Variants in PHF24 observed in about 807,000 individuals in gnomAD.
The protein encoded by PHF24 is PHD finger protein 24.
Under a neutral mutation model 42.6 loss-of-function variants are expected in PHF24, and 25 were observed. The ratio of observed to expected loss-of-function variants is 0.59; its 90% CI spans 0.43 to 0.82. The LOEUF is 0.82. PHF24 is among the 40% of genes least tolerant of loss of function. The pLI is 0.00. For synonymous variants in PHF24, 185 were observed against 204.8 expected (o/e 0.90, Z 0.83); for missense variants, 470 against 538.1 (o/e 0.87, Z 1.25).
the PHF24 span, among the ~76,000 whole-genome samples, chr9:34,914,502 G>A: frequency 4.0e-5 from 6 of 151,668 alleles, no homozygotes; most frequent in African/African-American, 4.8e-5. Context: ...TATATCTATC[G>A]TCTTCTCTTA....
the PHF24 span, chr9:34,710,045 T>C: frequency 1.2e-6 from 2 of 1,613,936 alleles, no homozygotes; most frequent in South Asian, 2.2e-5. Context: ...ATAAGGAGGC[T>C]CAGAGCCAGT....
At chr9:34,744,479 T>C in the PHF24 span, among the ~76,000 whole-genome samples, 1 of 152,216 alleles carries the variant, frequency 6.6e-6, no homozygotes, top group Admixed American at 6.5e-5. Flanking sequence ...AGGTTCCTAG[T>C]AATTGCTTTC....
At chr9:34,761,068 A>C in the PHF24 span, among the ~76,000 whole-genome samples, 1 of 152,194 alleles carries the variant, frequency 6.6e-6, no homozygotes, top group East Asian at 1.9e-4. Context: ...GGCTTGTTAA[A>C]AACAGGACTA....
At chr9:34,908,049 GT>G in the PHF24 span, among the ~76,000 whole-genome samples, 2 of 152,052 alleles carry the variant, frequency 1.3e-5, no homozygotes, top group South Asian at 2.1e-4. Context: ...CATCATGTTG[GT>G]CAGGCTGGTC....
chr9:34,971,599 C>G (rs765911770), exon 2 of PHF24: 4 of 1,614,034 alleles, frequency 2.5e-6, no homozygotes, highest in Non-Finnish European at 3.4e-6. Flanking sequence ...TCGATTCACA[C>G]CCCCTGCGTT....
the PHF24 span, among the ~76,000 whole-genome samples, chr9:34,873,325 T>G: frequency 3.3e-5 from 5 of 152,084 alleles, no homozygotes; most frequent in Non-Finnish European, 4.4e-5. Flanking sequence ...TTCTAGGGTT[T>G]TTATGGTTTT....
At chr9:34,875,995 C>T in the PHF24 span, among the ~76,000 whole-genome samples, 37 of 147,408 alleles carry the variant, frequency 2.5e-4, no homozygotes, top group African/African-American at 9.3e-4. Context: ...CTCACTCCTT[C>T]CAAGTCCCTA....
At chr9:34,834,009 A>G in the PHF24 span, 3 of 1,549,266 alleles carry the variant, frequency 1.9e-6, no homozygotes, top group Non-Finnish European at 2.6e-6. Flanking sequence ...TCCACAGACA[A>G]GACTCGGAGC....
At chr9:34,942,855 G>A in the PHF24 span, among the ~76,000 whole-genome samples, 1 of 150,944 alleles carries the variant, frequency 6.6e-6, no homozygotes, top group Non-Finnish European at 1.5e-5. Context: ...GTCATGGGAT[G>A]GGGGGCAGGG....
intron 6 of PHF24, 56 bp from the exon 7 acceptor site, chr9:34,977,490 G>T (rs1827237717): frequency 2.6e-6 from 4 of 1,523,460 alleles, no homozygotes; most frequent in Non-Finnish European, 3.6e-6. Flanking sequence ...CAGAGTTTGG[G>T]AGGGGGCAGG....
the PHF24 span, among the ~76,000 whole-genome samples, chr9:34,684,894 TC>T: frequency 5.9e-5 from 9 of 151,934 alleles, no homozygotes; most frequent in Non-Finnish European, 1.0e-4. Flanking sequence ...ATCTTCTGCA[TC>T]CCCCTGGAGC....
At chr9:34,695,004 T>C in the PHF24 span, among the ~76,000 whole-genome samples, 1 of 152,146 alleles carries the variant, frequency 6.6e-6, no homozygotes, top group East Asian at 1.9e-4. Context: ...TTGGGAGAGA[T>C]TGTGTCTTTT....
chr9:34,723,766 G>T, the PHF24 span: 27 of 1,551,570 alleles, frequency 1.7e-5, no homozygotes, highest in Non-Finnish European at 2.3e-5. Context: ...ACACAGTCTG[G>T]GCATTCTCAG....
At chr9:34,977,687 C>T (rs1827250145) in intron 7 of PHF24, 46 bp downstream of exon 7, 2 of 1,443,542 alleles carry the variant, frequency 1.4e-6, no homozygotes, top group Non-Finnish European at 1.9e-6. Flanking sequence ...TCTGAACCCC[C>T]ACAAAACACA....
the PHF24 span, among the ~76,000 whole-genome samples, chr9:34,743,628 G>A: frequency 1.3e-5 from 2 of 152,190 alleles, no homozygotes; most frequent in Non-Finnish European, 2.9e-5. Flanking sequence ...TATCCTAGGA[G>A]TGTCACTTTT....
the PHF24 span, among the ~76,000 whole-genome samples, chr9:34,861,963 C>T: frequency 6.6e-6 from 1 of 152,328 alleles, no homozygotes; most frequent in East Asian, 1.9e-4. Context: ...TTATTTCTTG[C>T]AGTCCTGGAG....
At chr9:34,980,866 C>T (rs963694475) in exon 8 of PHF24, 1 of 152,232 alleles carries the variant, frequency 6.6e-6, no homozygotes, top group African/African-American at 2.4e-5. Context: ...CTCTGAAGCC[C>T]ACTTGCCCTA....
chr9:34,959,798 C>T (rs1269838040), intron 1 of PHF24, among the ~76,000 whole-genome samples: 7 of 152,252 alleles, frequency 4.6e-5, no homozygotes, highest in African/African-American at 9.6e-5. Flanking sequence ...GACCCTTCTG[C>T]GGATGGAGTG....
At chr9:34,863,383 G>T in the PHF24 span, among the ~76,000 whole-genome samples, 67,787 of 151,356 alleles carry the variant, frequency 0.45, 15,784 homozygotes, top group East Asian at 0.66. Context: ...GTGGCCACAG[G>T]GGTGCTTGTG....
Sources: allele counts gnomAD v4.1 joint callset (sites outside exome capture counted in the v4.1 genomes callset), GRCh38; gene constraint gnomAD v4.1.1; transcripts MANE v1.5; gene names NCBI Gene and HGNC (gene_info 2026-07-23, HGNC 2026-07-21).